POLA1: variants seen among roughly 807,000 people sequenced by gnomAD.
POLA1 encodes the protein DNA polymerase alpha 1, catalytic subunit.
In POLA1, 15 loss-of-function variants were observed where a neutral mutation model predicts 124.0. The ratio of observed to expected loss-of-function variants is 0.12; its 90% CI spans 0.08 to 0.19. The LOEUF (loss-of-function observed/expected upper bound fraction) is 0.19, where lower values mean the gene tolerates loss of function less well. POLA1 is among the 10% of genes least tolerant of loss of function. POLA1 has a pLI of 1.00. For synonymous variants in POLA1, 408 were observed against 389.4 expected (o/e 1.05, Z -0.56); for missense variants, 886 against 1,103.4 (o/e 0.80, Z 2.79).
At chrX:24,983,981 A>G (rs1216433086) in intron 36 of POLA1, among the ~76,000 whole-genome samples, 2 of 112,245 alleles carry the variant, frequency 1.8e-5, no homozygotes, top group South Asian at 7.5e-4. Flanking sequence ...GAGGCTGCTT[A>G]ACAAGGCCAG....
chrX:24,745,599 G>T, intron 24 of POLA1, 57 bp downstream of exon 24: 1 of 774,906 alleles, frequency 1.3e-6, no homozygotes, highest in South Asian at 2.3e-5. Context: ...CTTAAAGAAG[G>T]AAGATCTGTG....
chrX:24,935,828 C>G (rs2047841819), intron 36 of POLA1, among the ~76,000 whole-genome samples: 1 of 112,480 alleles, frequency 8.9e-6, no homozygotes, highest in African/African-American at 3.2e-5. Flanking sequence ...TCTCACAGTA[C>G]TCCTGTGAGG....
rs750586043 is a variant in POLA1 at position 24,808,669 on chromosome X, T to C, written c.2965-1229T>C. On this transcript the variant is annotated intron_variant, in intron 26 of 36. Coordinates refer to ENST00000379068, the MANE Select transcript of POLA1 (RefSeq NM_001330360.2). ...GAACATAATATTAATACAACGAACA[T>C]CTGAACAAAACTGGGAGATAGTAAT... 5.4e-5 allele frequency among the ~76,000 whole-genome samples: 6 copies of C among 110,608 alleles called. No homozygotes were observed. In the South Asian group the frequency reaches 2.3e-3, roughly 42 times the overall value.
chrX:24,768,156 G>A (rs963516096), intron 26 of POLA1, among the ~76,000 whole-genome samples: 32 of 112,427 alleles, frequency 2.8e-4, no homozygotes, highest in Admixed American at 1.4e-3. Context: ...TACTGTATTA[G>A]TGTGTGTCAT....
chrX:24,950,894 T>C (rs1271875035), intron 36 of POLA1, among the ~76,000 whole-genome samples: 4 of 112,049 alleles, frequency 3.6e-5, no homozygotes, highest in Admixed American at 9.5e-5. Flanking sequence ...TGGTGTAAGT[T>C]GGAACAGAGT....
intron 35 of POLA1, among the ~76,000 whole-genome samples, chrX:24,923,823 C>G (rs1382745064): frequency 1.8e-5 from 2 of 111,083 alleles, no homozygotes; most frequent in Non-Finnish European, 3.8e-5. Context: ...CTCTGTTGTT[C>G]CACATTTGCA....
At chrX:24,844,491 G>A (rs1486094358) in intron 34 of POLA1, among the ~76,000 whole-genome samples, 1 of 105,395 alleles carries the variant, frequency 9.5e-6, no homozygotes, top group African/African-American at 3.6e-5. Context: ...AAAAAAAAAA[G>A]CTCATGTCTT....
At chrX:24,716,153 G>A (rs1473150335) in intron 6 of POLA1, among the ~76,000 whole-genome samples, 1 of 98,179 alleles carries the variant, frequency 1.0e-5, no homozygotes, top group Non-Finnish European at 2.0e-5. Context: ...TTGGGAGGGG[G>A]TAGATTTAAT....
intron 36 of POLA1, among the ~76,000 whole-genome samples, chrX:24,940,739 G>A (rs915638944): frequency 6.3e-5 from 7 of 111,664 alleles, no homozygotes; most frequent in South Asian, 3.7e-4. Context: ...TCAGATATTC[G>A]TTTTTTTCTT....
intron 26 of POLA1, chrX:24,788,360 T>C (rs765075746): frequency 4.4e-6 from 5 of 1,134,078 alleles, no homozygotes; most frequent in Non-Finnish European, 3.5e-6. Context: ...TCTTTCAAGC[T>C]TTTATTTAAA....
At chrX:24,953,026 G>A (rs2048065984) in intron 36 of POLA1, among the ~76,000 whole-genome samples, 1 of 112,112 alleles carries the variant, frequency 8.9e-6, no homozygotes, top group African/African-American at 3.2e-5. Flanking sequence ...TTCTTTACAT[G>A]TAGTCATGCT....
At chrX:24,851,853 T>C (rs976361503) in intron 34 of POLA1, among the ~76,000 whole-genome samples, 20 of 112,721 alleles carry the variant, frequency 1.8e-4, no homozygotes, top group Non-Finnish European at 3.4e-4. Flanking sequence ...GAGTAAGAAA[T>C]TGAACCAGAA....
At position 24,740,648 on chromosome X, in the gene POLA1, C is replaced by A. The variant is rs11573361; in HGVS notation, c.2217-727C>A. Among the ~76,000 whole-genome samples, 853 of 111,626 alleles carry A rather than the reference C, an allele frequency of 7.6e-3. 19 individuals are homozygous for A. The highest frequency in any genetic ancestry group is 0.059 in the Admixed American group (615 of 10,461). On this transcript the variant is annotated intron_variant, in intron 20 of 36. Coordinates refer to ENST00000379068, the MANE Select transcript of POLA1 (RefSeq NM_001330360.2). ...CTGTCCTTATCTCGTACTGCTCTTT[C>A]CATCATTCTCTCTGATCTAGCCATA...
chrX:24,814,957 G>GTTTTTTTTTTTTTTTTTT, intron 29 of POLA1, 22 bp from the exon 30 acceptor site: 1 of 857,912 alleles, frequency 1.2e-6, no homozygotes, highest in Non-Finnish European at 1.5e-6. Flanking sequence ...TCTTTGTTTT[G>GTTTTTTTTTTTTTTTTTT]TTTTTTTTTT....
intron 32 of POLA1, among the ~76,000 whole-genome samples, chrX:24,834,593 A>G (rs1306723179): frequency 3.6e-5 from 4 of 111,763 alleles, no homozygotes; most frequent in Non-Finnish European, 7.5e-5. Context: ...CCAACAGAAC[A>G]GGGTGAAACC....
intron 35 of POLA1, among the ~76,000 whole-genome samples, chrX:24,920,913 A>G (rs940084600): frequency 3.6e-5 from 4 of 112,458 alleles, no homozygotes; most frequent in African/African-American, 1.3e-4. Context: ...CTAGACCAGC[A>G]TTTCATGCCA....
chrX:24,961,851 T>TA (rs1224689976), intron 36 of POLA1, among the ~76,000 whole-genome samples: 1 of 111,938 alleles, frequency 8.9e-6, no homozygotes, highest in Non-Finnish European at 1.9e-5. Context: ...ACCACTGCTC[T>TA]AAAAAGTCTT....
In POLA1 at chrX:24,777,911, G is replaced by C. The variant is rs1042211995; in HGVS notation, c.2964+28919G>C. On this transcript the variant is annotated intron_variant, in intron 26 of 36. Coordinates refer to ENST00000379068, the MANE Select transcript of POLA1 (RefSeq NM_001330360.2). ...AAGTGAAACAAAGGACTGGCTTAAT[G>C]GTTCAGGGTGGAAAGTATACACAGT... Among the ~76,000 whole-genome samples the C allele has an allele frequency of 3.6e-5, 4 of 112,379 alleles. 1 individual carries two copies. Among genetic ancestry groups the C allele is most frequent in the African/African-American group, 1.3e-4 (4 of 30,931 alleles).
At chrX:24,796,560 C>T (rs1440945838) in intron 26 of POLA1, among the ~76,000 whole-genome samples, 1 of 111,135 alleles carries the variant, frequency 9.0e-6, no homozygotes, top group African/African-American at 3.3e-5. Flanking sequence ...ACTCTAGCAC[C>T]ATTACCATGG....
Sources: gnomAD v4.1 joint callset for allele counts (sites outside exome capture counted in the v4.1 genomes callset) on GRCh38, gnomAD v4.1.1 for gene constraint, MANE v1.5 for transcripts, NCBI Gene and HGNC (gene_info 2026-07-23, HGNC 2026-07-21) for gene names.